MTMR14: variants seen among roughly 807,000 people sequenced by gnomAD.
MTMR14 encodes myotubularin related protein 14, also known as phosphatidylinositol-3,5-bisphosphate 3-phosphatase MTMR14.
Under a neutral mutation model 86.3 loss-of-function variants are expected in MTMR14, and 48 were observed. The observed-to-expected ratio is 0.56, with a 90% CI of 0.44 to 0.71. The LOEUF is 0.71. Ranked by LOEUF, MTMR14 falls within the 30% of genes least tolerant of loss-of-function variation. The pLI is 0.00. For missense variants in MTMR14, 780 were observed against 834.6 expected, an observed-to-expected ratio of 0.93 and a Z score of 0.81; for synonymous variants, 366 against 326.1, an observed-to-expected ratio of 1.12 and a Z score of -1.32.
At chr3:9,663,527 T>TTTTTTTG (rs2048067301) in intron 3 of MTMR14, among the ~76,000 whole-genome samples, 1 of 138,808 alleles carries the variant, frequency 7.2e-6, no homozygotes, top group Admixed American at 7.2e-5. Context: ...TTTTTTTTTT[T>TTTTTTTG]GAGGCAGCAG....
chr3:9,694,493 A>G (rs1365849699), intron 17 of MTMR14, among the ~76,000 whole-genome samples: 1 of 151,600 alleles, frequency 6.6e-6, no homozygotes, highest in Admixed American at 6.6e-5. Context: ...GATAGATTAG[A>G]TAGATAGATT....
At position 9,701,798 on chromosome 3, in the gene MTMR14, C is replaced by T. The variant is rs1436085180; in HGVS notation, c.1778C>T (p.Ala593Val). Reference protein sequence around the residue: ...DELPNSCLLAALSDRETRLQE... With the variant: ...DELPNSCLLAVLSDRETRLQE... ...TCTTGACCTCCCCATAGGCTTGCAGCCCTGAGTGATCGAGAGACTCGGCTG... is the reference window on the plus strand; with the variant it reads ...TCTTGACCTCCCCATAGGCTTGCAGTCCTGAGTGATCGAGAGACTCGGCTG... Residue 593 changes from alanine to valine, a missense_variant, in exon 19 of 19, where the codon GCC becomes GTC. Physicochemically the swap from Ala to Val is moderately conservative, Grantham distance 64. Coordinates refer to ENST00000296003, the MANE Select transcript of MTMR14 (RefSeq NM_001077525.3). The surrounding 1 kb of genome is among the most constrained non-coding windows in gnomAD (Gnocchi z 4.2). The T allele has an allele frequency of 4.3e-6, 7 of 1,613,800 alleles. No homozygotes were observed. Among genetic ancestry groups the T allele is most frequent in the Middle Eastern group, 3.3e-4 (2 of 6,062 alleles).
chr3:9,680,521 G>C (rs2075726556), intron 9 of MTMR14, among the ~76,000 whole-genome samples: 1 of 152,200 alleles, frequency 6.6e-6, no homozygotes, highest in African/African-American at 2.4e-5. Flanking sequence ...ATGCAGTCTG[G>C]TCTTGCCTGT....
intron 10 of MTMR14, among the ~76,000 whole-genome samples, chr3:9,683,913 A>C (rs546356033): frequency 6.6e-6 from 1 of 152,278 alleles, no homozygotes; most frequent in East Asian, 1.9e-4. Context: ...TAGCTCCCCC[A>C]GGGGAGACTA....
intron 1 of MTMR14, among the ~76,000 whole-genome samples, chr3:9,650,033 G>A (rs2047186377): frequency 6.6e-6 from 1 of 152,132 alleles, no homozygotes; most frequent in African/African-American, 2.4e-5. Flanking sequence ...GATCAGAGAG[G>A]AGGACCTAAG....
intron 18 of MTMR14, among the ~76,000 whole-genome samples, chr3:9,698,882 T>A (rs1304884188): frequency 6.6e-6 from 1 of 151,066 alleles, no homozygotes; most frequent in Non-Finnish European, 1.5e-5. Context: ...AAAAAAAAAA[T>A]TGCAGGCCGG....
chr3:9,653,229 C>T (rs981866943), intron 1 of MTMR14, among the ~76,000 whole-genome samples: 7 of 152,146 alleles, frequency 4.6e-5, no homozygotes, highest in African/African-American at 9.7e-5. Flanking sequence ...AGCGAGACTC[C>T]GTCTCAAAAA....
rs142001482 is a variant in MTMR14, at chr3:9,668,047, A to T, written c.418-672A>T. ...CCCCCACCCAACTAGATTTCAGCAA[A>T]CACTATTTATTTTAAACAAGTAACC... is the stretch of plus-strand genomic sequence containing the variant. On this transcript the variant is annotated intron_variant, in intron 3 of 18. Transcript: ENST00000296003. 3.9e-3 allele frequency among the ~76,000 whole-genome samples: 596 copies of T among 152,280 alleles called. 1 individual carries two copies. Among genetic ancestry groups the T allele is most frequent in the African/African-American group, 0.014 (580 of 41,554 alleles).
chr3:9,684,905 G>T lies in MTMR14; in HGVS notation c.1068G>T (p.Thr356=). 2 of 1,614,088 alleles carry T rather than the reference G, an allele frequency of 1.2e-6. No individual in the cohort carries two copies. Among genetic ancestry groups the T allele is most frequent in the African/African-American group, 1.3e-5 (1 of 75,022 alleles). The change falls in exon 12 of 19, where the codon ACG becomes ACT. Residue 356 remains threonine, a synonymous_variant. Coordinates refer to ENST00000296003, the MANE Select transcript of MTMR14 (RefSeq NM_001077525.3). ...TCTTCCAGGATGGGCTCATCCACAC[G>T]TCCCTGAAGCCCACTGAGATCCTCT... ...LSLWADGLIH[T]SLKPTEILYL...
intron 2 of MTMR14, among the ~76,000 whole-genome samples, chr3:9,660,482 A>T (rs781116904): frequency 6.6e-6 from 1 of 151,892 alleles, no homozygotes; most frequent in Non-Finnish European, 1.5e-5. Flanking sequence ...GCTGGTTTTG[A>T]ACTCCCAACC....
Position 9,662,293 on chromosome 3 carries a change from A to G in MTMR14, c.335A>G (p.Lys112Arg), listed in dbSNP as rs565148633. 2.5e-6 allele frequency: 4 copies of G among 1,613,254 alleles called. No homozygotes were observed. The South Asian group carries it at 4.4e-5, about 18-fold the overall frequency. ...DTFESTVQVS[K>R]LQDLIHRSKM... The stretch of plus-strand genomic sequence containing the variant: ...TTTGAGAGTACCGTACAGGTGAGCA[A>G]GTTGCAAGACCTCATCCACCGCAGC... The change falls in exon 3 of 19, where the codon AAG (lysine) becomes AGG (arginine). Residue 112 changes from lysine to arginine, a missense_variant. By Grantham distance (26) the Lys-to-Arg change is conservative (BLOSUM62 2). Coordinates refer to ENST00000296003, the MANE Select transcript of MTMR14 (RefSeq NM_001077525.3).
chr3:9,682,410 A>G (rs150988726), intron 9 of MTMR14, among the ~76,000 whole-genome samples: 3 of 152,230 alleles, frequency 2.0e-5, no homozygotes, highest in East Asian at 3.9e-4. Flanking sequence ...ATTGTATCTT[A>G]AGAGAACAGA....
chr3:9,690,643 C>T (rs2076109897), intron 17 of MTMR14, among the ~76,000 whole-genome samples: 4 of 152,208 alleles, frequency 2.6e-5, no homozygotes, highest in Admixed American at 6.5e-5. Context: ...ATGCCAGGGC[C>T]GTGGCTGAAG....
chr3:9,667,549 C>A (rs1336906585), intron 3 of MTMR14, among the ~76,000 whole-genome samples: 1 of 152,118 alleles, frequency 6.6e-6, no homozygotes, highest in East Asian at 1.9e-4. Context: ...CTTAAGCCAG[C>A]AGGAATGCCA....
intron 2 of MTMR14, among the ~76,000 whole-genome samples, chr3:9,661,980 C>T (rs1305274533): frequency 2.0e-5 from 3 of 151,604 alleles, no homozygotes; most frequent in African/African-American, 4.9e-5. Flanking sequence ...ACAGCATACT[C>T]GGGAGGCTGA....
At chr3:9,662,398 A>C in intron 3 of MTMR14, 23 bp downstream of exon 3, 2 of 1,584,828 alleles carry the variant, frequency 1.3e-6, no homozygotes, top group Non-Finnish European at 1.7e-6. Flanking sequence ...CCATAGCTTC[A>C]TGCTCCACGA....
chr3:9,667,566 G>T (rs932372369), intron 3 of MTMR14, among the ~76,000 whole-genome samples: 1 of 152,078 alleles, frequency 6.6e-6, no homozygotes, highest in Non-Finnish European at 1.5e-5. Context: ...GCCAGCCCTT[G>T]GTAGGCTTCC....
Position 9,653,694 on chromosome 3 carries a change from A to T in MTMR14, c.233A>T (p.Asn78Ile). 2 of 1,614,158 alleles carry T rather than the reference A, an allele frequency of 1.2e-6. No homozygotes were observed. The highest frequency in any genetic ancestry group is 1.7e-6 in the Non-Finnish European group (2 of 1,180,044). The change falls in exon 2 of 19, where the codon AAT (asparagine) becomes ATT (isoleucine). Residue 78 changes from asparagine to isoleucine, a missense_variant. Physicochemically the swap from Asn to Ile is moderately radical, Grantham distance 149. Transcript: ENST00000296003. Reference protein sequence around the residue: ...DYCFSVIPNTNGDICGHYPRH... With the variant: ...DYCFSVIPNTIGDICGHYPRH... ...TGTTTCAGCGTGATTCCAAACACGA[A>T]TGGGGATATCTGTGGCCACTATCCC... is the stretch of plus-strand genomic sequence containing the variant.
At chr3:9,684,076 G>A (rs1315504303) in intron 10 of MTMR14, among the ~76,000 whole-genome samples, 1 of 152,180 alleles carries the variant, frequency 6.6e-6, no homozygotes, top group African/African-American at 2.4e-5. Flanking sequence ...CTAGCTGCGG[G>A]CATTAGCACC....
Sources: allele counts gnomAD v4.1 joint callset (sites outside exome capture counted in the v4.1 genomes callset), GRCh38; gene constraint gnomAD v4.1.1; non-coding constraint Gnocchi (gnomAD v3.1); transcripts MANE v1.5; gene names NCBI Gene and HGNC (gene_info 2026-07-23, HGNC 2026-07-21).